Variants in ST14 observed in about 807,000 individuals in gnomAD.
The protein encoded by ST14 is ST14 transmembrane serine protease matriptase.
A neutral mutation model predicts 96.5 loss-of-function variants in ST14; 40 were observed. That is an observed-to-expected ratio of 0.41 (90% CI 0.32 to 0.54). The LOEUF is 0.54. Among genes scored for constraint, ST14 ranks in the 20% least tolerant of loss-of-function variants. The pLI is 0.17. For missense variants in ST14, 1,066 were observed against 1,188.9 expected (o/e 0.90, Z 1.52); for synonymous variants, 506 against 492.1 (o/e 1.03, Z -0.37).
Position 130,210,113 on chromosome 11 carries a change from G to T in ST14, c.*290G>T, listed in dbSNP as rs562067613. On this transcript the variant is annotated 3_prime_UTR_variant, in exon 19 of 19. Coordinates refer to ENST00000278742, the MANE Select transcript of ST14 (RefSeq NM_021978.4). ...CGCCAGCCCCAAGCTGGGCCGAGGC[G>T]CGTTTGTGCATATCTGCCTCCCCTG... is the stretch of plus-strand genomic sequence containing the variant. The T allele has an allele frequency of 8.2e-5, 36 of 437,526 alleles. No individual in the cohort carries two copies. The highest frequency in any genetic ancestry group is 6.9e-4 in the African/African-American group (35 of 50,516). 27.1% of individuals were successfully genotyped at this position (437,526 alleles called of 1,614,324 possible). A position where few individuals can be genotyped will look rare whatever the true frequency, so the allele number is the denominator to read the frequency against.
chr11:130,183,449 T>G (rs1296419389), intron 1 of ST14, among the ~76,000 whole-genome samples: 1 of 151,906 alleles, frequency 6.6e-6, no homozygotes, highest in East Asian at 1.9e-4. Flanking sequence ...TGGTGCACCC[T>G]GTAGTCCCAG....
At chr11:130,190,079 C>G in intron 5 of ST14, 34 bp from the exon 6 acceptor site, 1 of 1,614,042 alleles carries the variant, frequency 6.2e-7, no homozygotes, top group African/African-American at 1.3e-5. Flanking sequence ...TGGATTGTAT[C>G]AGGAAATGCT....
At chr11:130,165,226 G>A (rs1360947293) in intron 1 of ST14, among the ~76,000 whole-genome samples, 1 of 152,234 alleles carries the variant, frequency 6.6e-6, no homozygotes, top group East Asian at 1.9e-4. Flanking sequence ...TTCAGGAGGG[G>A]ATGGAATACT....
At position 130,188,170 on chromosome 11, in the gene ST14, G is replaced by A. The variant is rs760621630; in HGVS notation, c.138G>A (p.Lys46=). 5.0e-6 allele frequency: 8 copies of A among 1,614,240 alleles called. No homozygotes were observed. Among genetic ancestry groups the A allele is most frequent in the East Asian group, 2.2e-5 (1 of 44,884 alleles). Residue 46 remains lysine, a synonymous_variant, in exon 2 of 19, where the codon AAG becomes AAA. Transcript: ENST00000278742. This position sits in a 1 kb window ranked among gnomAD's most constrained non-coding sequence, Gnocchi z 5.4. Reference sequence around the variant, plus strand: ...TCCTGCCAGTCAACAACGTCAAGAAGGTGGAAAAGCATGGCCCGGGGCGCT... The same window carrying A: ...TCCTGCCAGTCAACAACGTCAAGAAAGTGGAAAAGCATGGCCCGGGGCGCT... ...VEFLPVNNVK[K]VEKHGPGRWV...
intron 16 of ST14, among the ~76,000 whole-genome samples, chr11:130,201,437 C>T (rs1953426984): frequency 6.6e-6 from 1 of 152,260 alleles, no homozygotes; most frequent in Non-Finnish European, 1.5e-5. Flanking sequence ...GATGGGCCCA[C>T]AGCAGGAGGG....
chr11:130,169,787 A>C (rs1453321119), intron 1 of ST14, among the ~76,000 whole-genome samples: 5 of 152,354 alleles, frequency 3.3e-5, no homozygotes, highest in Non-Finnish European at 7.3e-5. Flanking sequence ...AATGAAAGGC[A>C]CACTAGCTCG....
Position 130,187,530 on chromosome 11 carries a change from A to G in ST14, c.82-584A>G, listed in dbSNP as rs1953249109. On this transcript the variant is annotated intron_variant, in intron 1 of 18. Coordinates refer to ENST00000278742, the MANE Select transcript of ST14 (RefSeq NM_021978.4). This position sits in a 1 kb window ranked among gnomAD's most constrained non-coding sequence, Gnocchi z 4.5. ...AACACAGAGCAGTTTTTTCCATGACAGCACCACCTTTTTACTTTTGGCTGG... is the reference window on the plus strand; with the variant it reads ...AACACAGAGCAGTTTTTTCCATGACGGCACCACCTTTTTACTTTTGGCTGG... 6.6e-6 allele frequency among the ~76,000 whole-genome samples: 1 copy of G among 152,146 alleles called. No homozygotes were observed. The highest frequency in any genetic ancestry group is 1.5e-5 in the Non-Finnish European group (1 of 68,024).
rs2136217046 is a variant in ST14 at position 130,197,985 on chromosome 11, C to G, written c.1459+40C>G. On this transcript the variant is annotated intron_variant, in intron 12 of 18. Coordinates refer to ENST00000278742, the MANE Select transcript of ST14 (RefSeq NM_021978.4). ...GAGCCCCGGTCTCCCCACCCTCCTT[C>G]CCCACCCTGCCCGCGTCCCATGGCC... 3 of 1,526,456 alleles carry G rather than the reference C, an allele frequency of 2.0e-6. No individual in the cohort carries two copies. In the East Asian group the frequency reaches 7.3e-5, roughly 37 times the overall value. 94.6% of individuals were successfully genotyped at this position (1,526,456 alleles called of 1,614,324 possible).
chr11:130,196,545 AC>A (rs1309810519), intron 10 of ST14, 24 bp from the exon 11 acceptor site: 1 of 1,513,520 alleles, frequency 6.6e-7, no homozygotes, highest in African/African-American at 1.6e-5. Flanking sequence ...GTCCCTCCTC[AC>A]CTTGTGCCCC....
At position 130,196,407 on chromosome 11, in the gene ST14, G is replaced by A. The variant is rs370617013; in HGVS notation, c.1182G>A (p.Ala394=). 2.4e-5 allele frequency: 39 copies of A among 1,610,372 alleles called. No homozygotes were observed. In the East Asian group the frequency reaches 2.9e-4, roughly 12 times the overall value. The change falls in exon 10 of 19, where the codon GCG becomes GCA. Residue 394 remains alanine, a synonymous_variant. Coordinates refer to ENST00000278742, the MANE Select transcript of ST14 (RefSeq NM_021978.4). ...FFYLLEPGVP[A]GTCPKDYVEI... is the part of the protein sequence containing the mutation. ...ACCTGCTGGAGCCCGGCGTGCCTGC[G>A]GGCACCTGCCCCAAGGACTACGTGG...
intron 1 of ST14, among the ~76,000 whole-genome samples, chr11:130,177,286 C>T (rs758672802): frequency 7.9e-5 from 12 of 151,238 alleles, no homozygotes; most frequent in South Asian, 2.1e-4. Context: ...GTTTTTAGGC[C>T]GGGCGCGGTG....
chr11:130,169,643 C>T (rs745500553), intron 1 of ST14, among the ~76,000 whole-genome samples: 3 of 152,006 alleles, frequency 2.0e-5, no homozygotes, highest in Non-Finnish European at 2.9e-5. Flanking sequence ...ATAAGATCCG[C>T]GGATGATACT....
rs755554962 is a variant in ST14, at chr11:130,198,603, G to A, written c.1666G>A (p.Glu556Lys). 1.3e-5 allele frequency: 21 copies of A among 1,613,716 alleles called. No homozygotes were observed. Among genetic ancestry groups the A allele is most frequent in the Non-Finnish European group, 1.8e-5 (21 of 1,179,962 alleles). Residue 556 changes from glutamate (E) to lysine (K), a missense_variant, in exon 14 of 19, where the codon GAG (glutamate) becomes AAG (lysine). Coordinates refer to ENST00000278742, the MANE Select transcript of ST14 (RefSeq NM_021978.4). ...GKDDCGDGSD[E>K]ASCPKVNVVT... The stretch of plus-strand genomic sequence containing the variant: ...GGACGACTGTGGGGACGGGTCCGAC[G>A]AGGCCTCCTGCCCCAAGGGTGAGGC...
chr11:130,195,722 G>A (rs947633877), intron 9 of ST14, among the ~76,000 whole-genome samples: 3 of 152,032 alleles, frequency 2.0e-5, no homozygotes, highest in South Asian at 4.2e-4. Context: ...GTGTGATGGC[G>A]GGCACCTGTA....
At chr11:130,205,135 CT>C (rs898494299) in intron 16 of ST14, among the ~76,000 whole-genome samples, 14 of 150,540 alleles carry the variant, frequency 9.3e-5, no homozygotes, top group Admixed American at 3.3e-4. Flanking sequence ...ACAGTGAACA[CT>C]TTTTTTTTTG....
intron 1 of ST14, among the ~76,000 whole-genome samples, chr11:130,161,491 G>T (rs1286772424): frequency 6.6e-6 from 1 of 152,200 alleles, no homozygotes; most frequent in Admixed American, 6.5e-5. Context: ...CCCACACGGG[G>T]AAAGCAGGGT....
In ST14 at chr11:130,189,833, G is replaced by A; in HGVS notation, c.535G>A (p.Val179Ile). 1 of 1,613,970 alleles carries A rather than the reference G, an allele frequency of 6.2e-7. No homozygotes were observed. Among genetic ancestry groups the A allele is most frequent in the Non-Finnish European group, 8.5e-7 (1 of 1,179,954 alleles). ...GCGCGTCATGGCCGAGGAGCGCGTA[G>A]TCATGCTGCCCCCGCGGGCGCGCTC... ...AERVMAEERV[V>I]MLPPRARSLK... Residue 179 changes from valine to isoleucine, a missense_variant, in exon 5 of 19, where the codon GTC becomes ATC. Transcript: ENST00000278742.
chr11:130,163,853 TG>T lies in ST14; in HGVS notation c.81+3795del, dbSNP rs1423786157. On this transcript the variant is annotated intron_variant, in intron 1 of 18. Coordinates refer to ENST00000278742, the MANE Select transcript of ST14 (RefSeq NM_021978.4). ...TGCCTTCGCCTGCTAGCAGTGGAAA[TG>T]GTCAGAGGGTGGACCTGCTCGAGCC... Among the ~76,000 whole-genome samples the T allele has an allele frequency of 2.0e-5, 3 of 152,158 alleles. No homozygotes were observed. The East Asian group carries it at 5.8e-4, about 29-fold the overall frequency.
At chr11:130,184,830 G>A (rs987049230) in intron 1 of ST14, among the ~76,000 whole-genome samples, 1 of 152,212 alleles carries the variant, frequency 6.6e-6, no homozygotes, top group Non-Finnish European at 1.5e-5. Flanking sequence ...CTTCTCCTAC[G>A]TGTTCCTGAA....
Sources: gnomAD v4.1 joint callset for allele counts (sites outside exome capture counted in the v4.1 genomes callset) on GRCh38, gnomAD v4.1.1 for gene constraint, Gnocchi (gnomAD v3.1) non-coding constraint, MANE v1.5 for transcripts, NCBI Gene and HGNC (gene_info 2026-07-23, HGNC 2026-07-21) for gene names.